The following ATP8A2 variants were observed in gnomAD, a reference collection of about 807,000 sequenced individuals.
The protein encoded by ATP8A2 is phospholipid-transporting ATPase IB.
ATP8A2 carries 100 observed loss-of-function variants against 165.6 expected under a neutral mutation model. The observed-to-expected ratio is 0.60, with a 90% CI of 0.51 to 0.71. ATP8A2 has a LOEUF of 0.71. ATP8A2 is among the 30% of genes least tolerant of loss of function. The pLI, the probability that ATP8A2 is intolerant of heterozygous loss-of-function variation, is 0.00. For synonymous variants in ATP8A2, 543 were observed against 548.8 expected, an observed-to-expected ratio of 0.99 and a Z score of 0.15; for missense variants, 1,227 against 1,479.5, an observed-to-expected ratio of 0.83 and a Z score of 2.80.
At chr13:25,868,289 C>G (rs1952572593) in intron 33 of ATP8A2, among the ~76,000 whole-genome samples, 1 of 152,188 alleles carries the variant, frequency 6.6e-6, no homozygotes, top group Non-Finnish European at 1.5e-5. Flanking sequence ...CCAGAAAACA[C>G]TGAATGAGCA....
intron 1 of ATP8A2, among the ~76,000 whole-genome samples, chr13:25,396,526 G>A (rs1328472223): frequency 6.6e-6 from 1 of 152,066 alleles, no homozygotes; most frequent in East Asian, 1.9e-4. Flanking sequence ...TGATTTTAGG[G>A]TATTGTTTTC....
intron 1 of ATP8A2, among the ~76,000 whole-genome samples, chr13:25,433,678 A>G (rs535309626): frequency 6.6e-6 from 1 of 152,330 alleles, no homozygotes; most frequent in South Asian, 2.1e-4. Context: ...ACTATCCTGC[A>G]TTAGAAATCA....
intron 33 of ATP8A2, among the ~76,000 whole-genome samples, chr13:25,955,534 G>GATAAATT (rs1955498302): frequency 6.6e-6 from 1 of 152,154 alleles, no homozygotes; most frequent in East Asian, 1.9e-4. Context: ...AGAAGAAATG[G>GATAAATT]ATAAATTCCT....
At chr13:25,375,423 G>A (rs965756449) in intron 1 of ATP8A2, among the ~76,000 whole-genome samples, 1 of 152,092 alleles carries the variant, frequency 6.6e-6, no homozygotes, top group African/African-American at 2.4e-5. Context: ...GAGGGGAGGA[G>A]TGGGGACAGA....
At chr13:25,483,169 CAGG>C (rs763205395) in intron 2 of ATP8A2, among the ~76,000 whole-genome samples, 1 of 152,190 alleles carries the variant, frequency 6.6e-6, no homozygotes, top group Admixed American at 6.5e-5. Flanking sequence ...TATACTGCTG[CAGG>C]AGAAGAGAAG....
At position 25,385,627 on chromosome 13, in the gene ATP8A2, T is replaced by C. The variant is rs191929342; in HGVS notation, c.76+13339T>C. Among the ~76,000 whole-genome samples the C allele has an allele frequency of 2.0e-3, 307 of 152,332 alleles. 4 individuals are homozygous for C. The highest frequency in any genetic ancestry group is 7.2e-4 in the Non-Finnish European group (49 of 68,026). ...TAACTGGATTGGTAACTTCTCTTCA[T>C]ATAATTCGAATTTCATGTGGATACA... is the stretch of plus-strand genomic sequence containing the variant. On this transcript the variant is annotated intron_variant, in intron 1 of 36. Transcript: ENST00000381655.
intron 25 of ATP8A2, among the ~76,000 whole-genome samples, chr13:25,739,751 G>T (rs2043866775): frequency 6.6e-6 from 1 of 152,128 alleles, no homozygotes; most frequent in South Asian, 2.1e-4. Context: ...TGAATCAGGG[G>T]AGATATCAAA....
intron 24 of ATP8A2, among the ~76,000 whole-genome samples, chr13:25,597,569 C>G (rs1018809283): frequency 2.0e-5 from 3 of 152,178 alleles, no homozygotes; most frequent in African/African-American, 7.2e-5. Flanking sequence ...AAAATGGAGA[C>G]CTCAGTCCGA....
At chr13:25,809,357 T>A (rs1266325566) in intron 27 of ATP8A2, among the ~76,000 whole-genome samples, 2 of 152,084 alleles carry the variant, frequency 1.3e-5, no homozygotes, top group Non-Finnish European at 2.9e-5. Flanking sequence ...AAAAATGAAG[T>A]GTCTTATCTA....
chr13:26,007,939 T>C (rs2139342453), intron 35 of ATP8A2, among the ~76,000 whole-genome samples: 1 of 152,180 alleles, frequency 6.6e-6, no homozygotes, highest in Middle Eastern at 3.4e-3. Flanking sequence ...CTCCTTAGAT[T>C]GACAGAGAAG....
chr13:25,846,829 A>G (rs912720304), intron 30 of ATP8A2, among the ~76,000 whole-genome samples: 9 of 152,206 alleles, frequency 5.9e-5, no homozygotes, highest in African/African-American at 1.9e-4. Flanking sequence ...TCAGTATTGC[A>G]TTAATTAATA....
intron 1 of ATP8A2, among the ~76,000 whole-genome samples, chr13:25,399,080 G>A (rs866778687): frequency 6.6e-6 from 1 of 152,206 alleles, no homozygotes. Context: ...GATCCCAGAA[G>A]GCAGGACCTG....
intron 33 of ATP8A2, among the ~76,000 whole-genome samples, chr13:25,931,517 C>T (rs1156843987): frequency 6.6e-6 from 1 of 152,118 alleles, no homozygotes; most frequent in African/African-American, 2.4e-5. Flanking sequence ...CTGGTGTCAT[C>T]CCCCACCCCC....
At chr13:25,889,881 G>T (rs1204099440) in intron 33 of ATP8A2, among the ~76,000 whole-genome samples, 1 of 151,964 alleles carries the variant, frequency 6.6e-6, no homozygotes, top group African/African-American at 2.4e-5. Context: ...AAACAAATTT[G>T]GCCGGGCGCG....
intron 27 of ATP8A2, among the ~76,000 whole-genome samples, chr13:25,825,071 A>G (rs1028740098): frequency 7.7e-5 from 10 of 129,218 alleles, no homozygotes; most frequent in African/African-American, 3.0e-4. Flanking sequence ...ATCTGATCAT[A>G]TTTGTTTGCA....
chr13:25,396,152 G>GTT (rs2033417752), intron 1 of ATP8A2, among the ~76,000 whole-genome samples: 1 of 152,110 alleles, frequency 6.6e-6, no homozygotes. Context: ...CTGATCCAAT[G>GTT]TTAATAGACT....
chr13:25,449,313 A>C (rs1468920127), intron 1 of ATP8A2, among the ~76,000 whole-genome samples: 1 of 152,198 alleles, frequency 6.6e-6, no homozygotes, highest in Non-Finnish European at 1.5e-5. Context: ...AGTTTGAAAT[A>C]TTTCCTGATT....
At chr13:25,624,417 A>G (rs776746617) in intron 24 of ATP8A2, among the ~76,000 whole-genome samples, 1 of 152,166 alleles carries the variant, frequency 6.6e-6, no homozygotes, top group South Asian at 2.1e-4. Flanking sequence ...TCTGATTTTT[A>G]TAACTCTAGG....
At chr13:25,958,160 A>C (rs1381910780) in intron 33 of ATP8A2, among the ~76,000 whole-genome samples, 1 of 152,014 alleles carries the variant, frequency 6.6e-6, no homozygotes, top group Non-Finnish European at 1.5e-5. Context: ...GAAGGATAGC[A>C]TTAGGAGAAA....
Sources: gnomAD v4.1 joint callset for allele counts (sites outside exome capture counted in the v4.1 genomes callset) on GRCh38, gnomAD v4.1.1 for gene constraint, MANE v1.5 for transcripts, NCBI Gene and HGNC (gene_info 2026-07-23, HGNC 2026-07-21) for gene names.